Variants in GATAD2A observed in about 807,000 individuals in gnomAD.
GATAD2A encodes transcriptional repressor p66-alpha.
GATAD2A carries 12 observed loss-of-function variants against 68.5 expected under a neutral mutation model. That is an observed-to-expected ratio of 0.18 (90% CI 0.11 to 0.28). GATAD2A has a LOEUF of 0.28. Among genes scored for constraint, GATAD2A ranks in the 10% least tolerant of loss-of-function variants. GATAD2A has a pLI of 1.00. For missense variants in GATAD2A, 755 were observed against 868.5 expected (o/e 0.87, Z 1.64); for synonymous variants, 410 against 375.3 (o/e 1.09, Z -1.07).
intron 1 of GATAD2A, among the ~76,000 whole-genome samples, chr19:19,422,303 C>A (rs1261126302): frequency 6.6e-6 from 1 of 152,166 alleles, no homozygotes; most frequent in Admixed American, 6.5e-5. Context: ...GGCGGTTTGG[C>A]CTTTGCTATC....
chr19:19,489,556 A>G (rs2148356891), intron 2 of GATAD2A, among the ~76,000 whole-genome samples: 1 of 152,288 alleles, frequency 6.6e-6, no homozygotes, highest in East Asian at 1.9e-4. Flanking sequence ...TGAGTTATTG[A>G]TTAGTCGCAG....
chr19:19,502,259 G>T, intron 10 of GATAD2A, 72 bp from the exon 11 acceptor site: 1 of 1,230,754 alleles, frequency 8.1e-7, no homozygotes, highest in South Asian at 1.4e-5. Context: ...AGCAAGGAGA[G>T]GCTGCGCTGA....
At chr19:19,406,545 G>T (rs2050289614) in intron 1 of GATAD2A, among the ~76,000 whole-genome samples, 1 of 152,068 alleles carries the variant, frequency 6.6e-6, no homozygotes, top group South Asian at 2.1e-4. Context: ...CCCAGCTCGC[G>T]CCCTTCCTGC....
At chr19:19,452,963 C>G (rs765613004) in intron 1 of GATAD2A, among the ~76,000 whole-genome samples, 2 of 152,170 alleles carry the variant, frequency 1.3e-5, no homozygotes, top group Non-Finnish European at 2.9e-5. Flanking sequence ...CCTCGCTCTC[C>G]CTCAGTCCTC....
In GATAD2A at chr19:19,507,884, A is replaced by G. The variant is rs780533863; in HGVS notation, c.*2410A>G. On this transcript the variant is annotated 3_prime_UTR_variant, in exon 12 of 12. Transcript: ENST00000683918. ...AGCATAACCTCTACGATAAGCCCCAAGCGGGTTGTTGTATTATGACGTTTA... is the reference window on the plus strand; with the variant it reads ...AGCATAACCTCTACGATAAGCCCCAGGCGGGTTGTTGTATTATGACGTTTA... 1.3e-5 allele frequency: 2 copies of G among 152,150 alleles called. No homozygotes were observed. Among genetic ancestry groups the G allele is most frequent in the African/African-American group, 2.4e-5 (1 of 41,422 alleles). 9.4% of individuals were successfully genotyped at this position (152,150 alleles called of 1,614,324 possible).
intron 1 of GATAD2A, among the ~76,000 whole-genome samples, chr19:19,459,782 G>A (rs1027207946): frequency 6.6e-6 from 1 of 152,238 alleles, no homozygotes; most frequent in African/African-American, 2.4e-5. Context: ...CAGCCAGCGT[G>A]TGTGTGATGG....
intron 1 of GATAD2A, among the ~76,000 whole-genome samples, chr19:19,433,032 G>T (rs1365159926): frequency 2.0e-5 from 3 of 152,136 alleles, no homozygotes; most frequent in African/African-American, 7.2e-5. Context: ...CTGCCCAAGG[G>T]GACAACTCCA....
chr19:19,503,689 G>A (rs919834870), intron 11 of GATAD2A, among the ~76,000 whole-genome samples: 14 of 151,648 alleles, frequency 9.2e-5, no homozygotes, highest in Non-Finnish European at 1.6e-4. Flanking sequence ...GTTTGAAAGG[G>A]AGCATGAAGG....
upstream of GATAD2A, among the ~76,000 whole-genome samples, chr19:19,404,946 T>G (rs2050054950): frequency 6.6e-6 from 1 of 152,226 alleles, no homozygotes; most frequent in African/African-American, 2.4e-5. Context: ...ATTTTCCCTA[T>G]TGAAATTGTA....
At chr19:19,412,064 C>T (rs902657402) in intron 1 of GATAD2A, among the ~76,000 whole-genome samples, 1 of 150,568 alleles carries the variant, frequency 6.6e-6, no homozygotes, top group African/African-American at 2.5e-5. Flanking sequence ...TGTAGCAATC[C>T]CCCATCTCTC....
chr19:19,468,917 A>T lies in GATAD2A; in HGVS notation c.269+3303A>T, dbSNP rs145702982. ...TAACTAGTTCTGCAGTCTGGAAGCC[A>T]ACCAAAGGCTTTGAATGATTTGTTG... On this transcript the variant is annotated intron_variant, in intron 2 of 11. Transcript: ENST00000683918. Among the ~76,000 whole-genome samples the T allele has an allele frequency of 9.5e-3, 1,445 of 152,350 alleles. 37 individuals carry two copies. Among genetic ancestry groups the T allele is most frequent in the East Asian group, 0.082 (427 of 5,188 alleles).
chr19:19,465,035 C>A, intron 1 of GATAD2A: 1 of 453,674 alleles, frequency 2.2e-6, no homozygotes, highest in Non-Finnish European at 4.0e-6. Flanking sequence ...GATAAGCAGC[C>A]ACCTTCCACT....
intron 2 of GATAD2A, among the ~76,000 whole-genome samples, chr19:19,471,287 T>C (rs1221285682): frequency 6.7e-6 from 1 of 150,158 alleles, no homozygotes; most frequent in Non-Finnish European, 1.5e-5. Flanking sequence ...AGCAACCCAG[T>C]GTCCCATGGA....
rs1253846288 is a variant in GATAD2A, at chr19:19,416,784, C to T, written c.-7+10765C>T. On this transcript the variant is annotated intron_variant, in intron 1 of 11. Coordinates refer to ENST00000683918, the MANE Select transcript of GATAD2A (RefSeq NM_001384528.1). ...TTTAAACTTTTTTTTTGTTTTGAGGCGGAGTTTCGCTCTTGTTGCCCAGGC... is the reference window on the plus strand; with the variant it reads ...TTTAAACTTTTTTTTTGTTTTGAGGTGGAGTTTCGCTCTTGTTGCCCAGGC... Among the ~76,000 whole-genome samples, 19 of 150,812 alleles carry T rather than the reference C, an allele frequency of 1.3e-4. 1 individual carries two copies. The South Asian group carries it at 2.9e-3, about 23-fold the overall frequency.
chr19:19,391,431 A>C (rs2048838247), intron 1 of GATAD2A, among the ~76,000 whole-genome samples: 1 of 152,170 alleles, frequency 6.6e-6, no homozygotes, highest in Non-Finnish European at 1.5e-5. Flanking sequence ...AATTTCTTTC[A>C]ATTCTTTTAA....
chr19:19,472,143 T>C (rs2058360198), intron 2 of GATAD2A, among the ~76,000 whole-genome samples: 1 of 152,190 alleles, frequency 6.6e-6, no homozygotes, highest in Non-Finnish European at 1.5e-5. Flanking sequence ...GTGATCCTCC[T>C]GCCTCAGCCT....
intron 2 of GATAD2A, among the ~76,000 whole-genome samples, chr19:19,482,279 C>T (rs773324741): frequency 1.3e-5 from 2 of 152,172 alleles, no homozygotes; most frequent in African/African-American, 2.4e-5. Context: ...TAGTGGGCGC[C>T]TGTAGTCCCA....
rs2060917464 is a variant in GATAD2A at position 19,507,550 on chromosome 19, G to C, written c.*2076G>C. ...TCAGCTGGGTCTGACCAGGGGGCCA[G>C]ATCCGAGCCGCACCTGCCGGCCCCC... On this transcript the variant is annotated 3_prime_UTR_variant, in exon 12 of 12. Transcript: ENST00000683918. 6.6e-6 allele frequency: 1 copy of C among 152,452 alleles called. No homozygotes were observed. Among genetic ancestry groups the C allele is most frequent in the Non-Finnish European group, 1.5e-5 (1 of 68,306 alleles). 9.4% of individuals were successfully genotyped at this position (152,452 alleles called of 1,614,324 possible). A position where few individuals can be genotyped will look rare whatever the true frequency, so the allele number is the denominator to read the frequency against.
At chr19:19,476,696 T>TG (rs1421981033) in intron 2 of GATAD2A, among the ~76,000 whole-genome samples, 1 of 152,090 alleles carries the variant, frequency 6.6e-6, no homozygotes, top group Non-Finnish European at 1.5e-5. Flanking sequence ...CGCCAGGCCT[T>TG]GGGGGTCTCT....
Sources: gnomAD v4.1 joint callset for allele counts (sites outside exome capture counted in the v4.1 genomes callset) on GRCh38, gnomAD v4.1.1 for gene constraint, MANE v1.5 for transcripts, NCBI Gene and HGNC (gene_info 2026-07-23, HGNC 2026-07-21) for gene names.